SEMA6D: variants seen among roughly 807,000 people sequenced by gnomAD.
SEMA6D encodes the protein semaphorin 6D.
A neutral mutation model predicts 106.6 loss-of-function variants in SEMA6D; 35 were observed. The ratio of observed to expected loss-of-function variants is 0.33; its 90% CI spans 0.25 to 0.44. The LOEUF (loss-of-function observed/expected upper bound fraction) is 0.44, where lower values mean the gene tolerates loss of function less well. Ranked by LOEUF, SEMA6D falls within the 20% of genes least tolerant of loss-of-function variation. The pLI is 1.00. For synonymous variants in SEMA6D, 499 were observed against 487.7 expected (o/e 1.02, Z -0.31); for missense variants, 1,185 against 1,345.9 (o/e 0.88, Z 1.87).
chr15:47,282,235 C>T (rs1838475886), intron 1 of SEMA6D, among the ~76,000 whole-genome samples: 1 of 152,144 alleles, frequency 6.6e-6, no homozygotes, highest in South Asian at 2.1e-4. Flanking sequence ...CCTATCCCCA[C>T]CAACAATAAC....
chr15:47,422,612 C>T (rs1595957491), intron 2 of SEMA6D, among the ~76,000 whole-genome samples: 1 of 151,890 alleles, frequency 6.6e-6, no homozygotes, highest in African/African-American at 2.4e-5. Context: ...ATTAGATTCC[C>T]CTCCCCTTTC....
chr15:47,273,472 T>C (rs1487707546), intron 1 of SEMA6D, among the ~76,000 whole-genome samples: 1 of 152,236 alleles, frequency 6.6e-6, no homozygotes, highest in African/African-American at 2.4e-5. Context: ...AATAGCTATA[T>C]GAAAGGCAAA....
In SEMA6D at chr15:47,222,310, C is replaced by A. The variant is rs560795262; in HGVS notation, c.-239+37892C>A. ...CTGGTCAGAAAGGGACTGTTGCTTC[C>A]TGAGTCCCACTGGGTACAGGACTTG... is the stretch of plus-strand genomic sequence containing the variant. On this transcript the variant is annotated intron_variant, in intron 1 of 19. Coordinates refer to the SEMA6D transcript ENST00000558014. Among the ~76,000 whole-genome samples the A allele has an allele frequency of 3.9e-5, 6 of 152,298 alleles. No homozygotes were observed. The East Asian group carries it at 1.2e-3, about 29-fold the overall frequency.
At chr15:47,224,747 T>G (rs2031508745) in intron 1 of SEMA6D, among the ~76,000 whole-genome samples, 2 of 152,082 alleles carry the variant, frequency 1.3e-5, no homozygotes, top group African/African-American at 4.8e-5. Flanking sequence ...TAAGTAGAAG[T>G]CTGGAACCTG....
chr15:47,276,600 G>A (rs1376903361), intron 1 of SEMA6D, among the ~76,000 whole-genome samples: 1 of 152,090 alleles, frequency 6.6e-6, no homozygotes, highest in Non-Finnish European at 1.5e-5. Flanking sequence ...TAAGACTATT[G>A]TGAAGACCTA....
intron 1 of SEMA6D, among the ~76,000 whole-genome samples, chr15:47,382,465 C>A (rs1203289328): frequency 6.6e-6 from 1 of 152,096 alleles, no homozygotes; most frequent in African/African-American, 2.4e-5. Flanking sequence ...TGAGACTGCA[C>A]CACTGCACTC....
intron 2 of SEMA6D, among the ~76,000 whole-genome samples, chr15:47,437,625 A>G (rs988308749): frequency 6.6e-6 from 1 of 152,122 alleles, no homozygotes; most frequent in Non-Finnish European, 1.5e-5. Context: ...CTCACCTTAG[A>G]TACCAACCTC....
intron 1 of SEMA6D, chr15:47,730,745 G>A (rs1596832050): frequency 1.1e-5 from 17 of 1,600,904 alleles, no homozygotes; most frequent in East Asian, 2.2e-5. Flanking sequence ...GCTCTCTGCC[G>A]CTGCAACCTG....
At chr15:47,220,578 T>TATAATGAA (rs1033776104) in intron 1 of SEMA6D, among the ~76,000 whole-genome samples, 3 of 152,140 alleles carry the variant, frequency 2.0e-5, no homozygotes, top group Non-Finnish European at 2.9e-5. Context: ...ACCAAACTGC[T>TATAATGAA]ATAATGAAAT....
intron 4 of SEMA6D, among the ~76,000 whole-genome samples, chr15:47,708,406 T>C (rs2078954348): frequency 6.6e-6 from 1 of 152,212 alleles, no homozygotes; most frequent in Admixed American, 6.5e-5. Flanking sequence ...TGTAGACATT[T>C]ATCTTCCAGT....
At chr15:47,491,341 TA>T (rs2043468977) in intron 3 of SEMA6D, among the ~76,000 whole-genome samples, 1 of 152,110 alleles carries the variant, frequency 6.6e-6, no homozygotes, top group African/African-American at 2.4e-5. Flanking sequence ...CATAAACTAG[TA>T]TTACAGACAA....
At chr15:47,615,894 T>A (rs557712853) in intron 4 of SEMA6D, among the ~76,000 whole-genome samples, 27 of 152,366 alleles carry the variant, frequency 1.8e-4, no homozygotes, top group African/African-American at 6.5e-4. Context: ...ATCAAAAGTA[T>A]ACAGTGCCAT....
intron 4 of SEMA6D, among the ~76,000 whole-genome samples, chr15:47,642,560 G>A (rs934066947): frequency 1.3e-5 from 2 of 152,126 alleles, no homozygotes; most frequent in Non-Finnish European, 2.9e-5. Context: ...AGTTGGAGAG[G>A]CCAGGCTTGC....
In SEMA6D at chr15:47,623,520, T is replaced by G. The variant is rs190080691; in HGVS notation, c.-55+22624T>G. On this transcript the variant is annotated intron_variant, in intron 4 of 19. Coordinates refer to the SEMA6D transcript ENST00000558014. Reference sequence around the variant, plus strand: ...GGAATAATTAGTTTTAGAAAAATACTAGGATGCATCATCAAGCAAATAATT... The same window carrying G: ...GGAATAATTAGTTTTAGAAAAATACGAGGATGCATCATCAAGCAAATAATT... Among the ~76,000 whole-genome samples the G allele has an allele frequency of 3.6e-3, 555 of 152,348 alleles. 2 individuals are homozygous for G. Among genetic ancestry groups the G allele is most frequent in the African/African-American group, 0.013 (544 of 41,580 alleles).
chr15:47,499,250 T>C (rs925577038), intron 3 of SEMA6D, among the ~76,000 whole-genome samples: 9 of 152,138 alleles, frequency 5.9e-5, no homozygotes, highest in African/African-American at 2.2e-4. Context: ...TTTTCTCCTC[T>C]CTAGTCCTCT....
chr15:47,564,708 CCTGAG>C (rs1317899351), intron 3 of SEMA6D, among the ~76,000 whole-genome samples: 3 of 152,116 alleles, frequency 2.0e-5, no homozygotes, highest in Non-Finnish European at 4.4e-5. Context: ...AGCTGAAAAG[CCTGAG>C]ACCATGGCCC....
At chr15:47,653,254 A>G (rs2077726836) in intron 4 of SEMA6D, among the ~76,000 whole-genome samples, 1 of 152,220 alleles carries the variant, frequency 6.6e-6, no homozygotes, top group Non-Finnish European at 1.5e-5. Flanking sequence ...CTTTAACCTG[A>G]AGCTATTCGC....
chr15:47,291,152 C>T (rs560154270), intron 1 of SEMA6D, among the ~76,000 whole-genome samples: 10 of 152,200 alleles, frequency 6.6e-5, no homozygotes, highest in African/African-American at 1.9e-4. Context: ...AAAAAAAGCC[C>T]GAAGTCTAAG....
chr15:47,333,280 C>T (rs1210879718), intron 1 of SEMA6D, among the ~76,000 whole-genome samples: 2 of 152,040 alleles, frequency 1.3e-5, no homozygotes, highest in South Asian at 2.1e-4. Flanking sequence ...TAATAGTGCA[C>T]ATTGTTGTGA....
Sources: allele counts gnomAD v4.1 joint callset (sites outside exome capture counted in the v4.1 genomes callset), GRCh38; gene constraint gnomAD v4.1.1; transcripts MANE v1.5; gene names NCBI Gene and HGNC (gene_info 2026-07-23, HGNC 2026-07-21).